Variants in SIL1 observed in about 807,000 individuals in gnomAD.
SIL1 encodes the protein SIL1 nucleotide exchange factor.
In SIL1, 40 loss-of-function variants were observed where a neutral mutation model predicts 49.1. The ratio of observed to expected loss-of-function variants is 0.81; its 90% CI spans 0.63 to 1.06. SIL1 has a LOEUF of 1.06. Ranked by LOEUF, SIL1 falls within the 50% of genes least tolerant of loss-of-function variation. The probability of loss-of-function intolerance (pLI) is 0.00; values close to 1 mark genes in which losing one functional copy is unlikely to be tolerated. For missense variants in SIL1, 500 were observed against 572.6 expected (o/e 0.87, Z 1.29); for synonymous variants, 253 against 250.8 (o/e 1.01, Z -0.08).
intron 3 of SIL1, among the ~76,000 whole-genome samples, chr5:139,082,700 T>A (rs551512904): frequency 3.5e-4 from 54 of 152,356 alleles, no homozygotes; most frequent in Admixed American, 6.5e-4. Flanking sequence ...GGTGTCTTGA[T>A]GAACTGCTGA....
At chr5:139,100,061 A>G (rs925947658) in intron 3 of SIL1, among the ~76,000 whole-genome samples, 4 of 152,242 alleles carry the variant, frequency 2.6e-5, no homozygotes, top group Non-Finnish European at 5.9e-5. Context: ...ATACACCTAT[A>G]ATGTATGCAC....
chr5:139,170,524 A>G (rs1187919889), intron 1 of SIL1, among the ~76,000 whole-genome samples: 2 of 131,290 alleles, frequency 1.5e-5, no homozygotes, highest in African/African-American at 5.9e-5. Flanking sequence ...CCACCACCCC[A>G]TCTGGGATGT....
At chr5:139,050,393 T>C (rs1769259876) in intron 4 of SIL1, among the ~76,000 whole-genome samples, 1 of 152,248 alleles carries the variant, frequency 6.6e-6, no homozygotes, top group Non-Finnish European at 1.5e-5. Flanking sequence ...CTGAATTCTC[T>C]AAAATTGAAT....
chr5:138,965,731 T>C (rs1767125287), intron 7 of SIL1, among the ~76,000 whole-genome samples: 2 of 148,394 alleles, frequency 1.3e-5, no homozygotes, highest in Middle Eastern at 3.4e-3. Flanking sequence ...CATGGCAGCT[T>C]AGCAAAGACC....
chr5:139,143,334 CACACACACACAT>C (rs567881302), intron 1 of SIL1, among the ~76,000 whole-genome samples: 13,862 of 99,968 alleles, frequency 0.14, 840 homozygotes, highest in African/African-American at 0.21. Context: ...CACACACACA[CACACACACACAT>C]ATATATATAT....
chr5:139,055,015 G>C (rs773706505), intron 3 of SIL1, among the ~76,000 whole-genome samples: 1 of 152,172 alleles, frequency 6.6e-6, no homozygotes. Flanking sequence ...CACAGGGGAA[G>C]GGCAAATCAG....
intron 1 of SIL1, among the ~76,000 whole-genome samples, chr5:139,129,399 T>C (rs964335331): frequency 6.6e-6 from 1 of 152,062 alleles, no homozygotes; most frequent in Non-Finnish European, 1.5e-5. Context: ...AAGAGTGAAG[T>C]TGGGGCCAGG....
intron 6 of SIL1, among the ~76,000 whole-genome samples, chr5:139,024,694 G>A (rs566041495): frequency 6.6e-6 from 1 of 152,332 alleles, no homozygotes; most frequent in East Asian, 1.9e-4. Context: ...TCTGGTCTCT[G>A]CTTCTACCAA....
chr5:138,964,705 C>A (rs2150387639), intron 7 of SIL1, among the ~76,000 whole-genome samples: 1 of 152,334 alleles, frequency 6.6e-6, no homozygotes, highest in East Asian at 1.9e-4. Flanking sequence ...AACACAAAAT[C>A]TCTATGGCTT....
chr5:139,187,100 T>C (rs918134203), intron 1 of SIL1, among the ~76,000 whole-genome samples: 1 of 152,202 alleles, frequency 6.6e-6, no homozygotes, highest in African/African-American at 2.4e-5. Flanking sequence ...GAAGCTCATA[T>C]AAAAAGAGAC....
intron 3 of SIL1, among the ~76,000 whole-genome samples, chr5:139,088,116 T>A (rs765936601): frequency 6.6e-6 from 1 of 152,218 alleles, no homozygotes; most frequent in Non-Finnish European, 1.5e-5. Context: ...CCACTGGAGC[T>A]CAGACTCCTC....
At chr5:139,066,282 G>A (rs1391069545) in intron 3 of SIL1, among the ~76,000 whole-genome samples, 7 of 151,856 alleles carry the variant, frequency 4.6e-5, no homozygotes, top group Admixed American at 2.6e-4. Flanking sequence ...GCTACCCCAC[G>A]CTCTGGCTAA....
At chr5:139,123,353 C>T (rs536185338) in intron 2 of SIL1, among the ~76,000 whole-genome samples, 1 of 152,332 alleles carries the variant, frequency 6.6e-6, no homozygotes, top group Non-Finnish European at 1.5e-5. Flanking sequence ...TTCCAGAGGG[C>T]AGGCACCATG....
At chr5:139,001,678 G>A (rs753316616) in intron 7 of SIL1, among the ~76,000 whole-genome samples, 6 of 152,188 alleles carry the variant, frequency 3.9e-5, no homozygotes, top group South Asian at 2.1e-4. Context: ...AGGCCAAGGC[G>A]GGTGGAGCAA....
intron 3 of SIL1, among the ~76,000 whole-genome samples, chr5:139,082,511 A>G (rs1443466779): frequency 6.6e-6 from 1 of 152,364 alleles, no homozygotes; most frequent in African/African-American, 2.4e-5. Context: ...CTATGTTCCA[A>G]GATAGGGCCT....
chr5:139,110,916 C>G lies in SIL1; in HGVS notation c.244+10119G>C, dbSNP rs146697151. On this transcript the variant is annotated intron_variant, in intron 3 of 9. Coordinates refer to ENST00000394817, the MANE Select transcript of SIL1 (RefSeq NM_022464.5). ...TCTCCCTTACCATACCCAGAGACAA[C>G]CCAAGAGTCCCCAGAATGATCTGCC... Among the ~76,000 whole-genome samples the G allele has an allele frequency of 6.6e-5, 10 of 152,376 alleles. No individual in the cohort carries two copies. In the East Asian group the frequency reaches 1.9e-3, roughly 29 times the overall value.
At chr5:139,001,893 G>C (rs1301827178) in intron 7 of SIL1, among the ~76,000 whole-genome samples, 1 of 150,576 alleles carries the variant, frequency 6.6e-6, no homozygotes, top group African/African-American at 2.4e-5. Flanking sequence ...GACAAAGTGA[G>C]ACTCCGTCTA....
At chr5:139,079,450 T>G (rs1013923184) in intron 3 of SIL1, among the ~76,000 whole-genome samples, 1 of 152,148 alleles carries the variant, frequency 6.6e-6, no homozygotes, top group Non-Finnish European at 1.5e-5. Context: ...GATACCCAAC[T>G]CCCTGAAACA....
intron 1 of SIL1, among the ~76,000 whole-genome samples, chr5:139,143,071 C>G (rs1455412231): frequency 1.3e-5 from 2 of 151,674 alleles, no homozygotes; most frequent in African/African-American, 4.8e-5. Flanking sequence ...CCCGGCCACC[C>G]ACTTTCACCA....
Sources: gnomAD v4.1 joint callset for allele counts (sites outside exome capture counted in the v4.1 genomes callset) on GRCh38, gnomAD v4.1.1 for gene constraint, MANE v1.5 for transcripts, NCBI Gene and HGNC (gene_info 2026-07-23, HGNC 2026-07-21) for gene names.